The following RANBP2 variants were observed in gnomAD, a reference collection of about 807,000 sequenced individuals.
The protein encoded by RANBP2 is RAN binding protein 2.
A neutral mutation model predicts 303.6 loss-of-function variants in RANBP2; 57 were observed. The ratio of observed to expected loss-of-function variants is 0.19; its 90% confidence interval spans 0.15 to 0.23. RANBP2 has a LOEUF of 0.23. RANBP2 is among the 10% of genes least tolerant of loss of function. The probability of loss-of-function intolerance (pLI) is 1.00; values close to 1 mark genes in which losing one functional copy is unlikely to be tolerated. For missense variants in RANBP2, 3,138 were observed against 3,780.8 expected (o/e 0.83, Z 4.46); for synonymous variants, 1,167 against 1,301.5 (o/e 0.90, Z 2.23).
chr2:108,889,639 G>A, the RANBP2 span, among the ~76,000 whole-genome samples: 2 of 149,406 alleles, frequency 1.3e-5, no homozygotes, highest in Non-Finnish European at 3.0e-5. Context: ...GTTTTCATTT[G>A]TATGAAATAT....
chr2:109,014,321 T>C, the RANBP2 span, among the ~76,000 whole-genome samples: 2 of 152,126 alleles, frequency 1.3e-5, no homozygotes, highest in Non-Finnish European at 2.9e-5. Flanking sequence ...AAAACCCAAT[T>C]TGAAAACCCT....
the RANBP2 span, among the ~76,000 whole-genome samples, chr2:109,141,802 G>T: frequency 6.6e-6 from 1 of 152,082 alleles, no homozygotes; most frequent in South Asian, 2.1e-4. Flanking sequence ...GGAGGTCAGG[G>T]TGACGGTTGT....
the RANBP2 span, among the ~76,000 whole-genome samples, chr2:109,034,850 T>A: frequency 6.6e-6 from 1 of 152,174 alleles, no homozygotes; most frequent in African/African-American, 2.4e-5. Context: ...CCAGTCATGG[T>A]TAGATTATCC....
At chr2:108,727,129 G>A (rs1694783927) in intron 1 of RANBP2, among the ~76,000 whole-genome samples, 1 of 152,074 alleles carries the variant, frequency 6.6e-6, no homozygotes, top group Non-Finnish European at 1.5e-5. Context: ...ATCATGGCCC[G>A]TTCTCAATGA....
At chr2:109,167,771 C>G in the RANBP2 span, among the ~76,000 whole-genome samples, 1 of 152,086 alleles carries the variant, frequency 6.6e-6, no homozygotes, top group East Asian at 1.9e-4. Flanking sequence ...TGGGATTGCG[C>G]CATGTTAGCC....
the RANBP2 span, among the ~76,000 whole-genome samples, chr2:109,316,647 C>G: frequency 2.0e-5 from 3 of 152,306 alleles, no homozygotes; most frequent in African/African-American, 7.2e-5. Context: ...GCAGCCTTTC[C>G]ATCAGCATCA....
the RANBP2 span, among the ~76,000 whole-genome samples, chr2:109,484,495 C>A: frequency 6.6e-6 from 1 of 152,200 alleles, no homozygotes; most frequent in African/African-American, 2.4e-5. Flanking sequence ...CATCACTCAC[C>A]AGCCCAGGCC....
the RANBP2 span, among the ~76,000 whole-genome samples, chr2:109,683,221 G>C: frequency 6.6e-6 from 1 of 152,118 alleles, no homozygotes; most frequent in Non-Finnish European, 1.5e-5. Context: ...GGCCAGGCTG[G>C]TCTCGAACTC....
At chr2:109,566,146 A>G in the RANBP2 span, among the ~76,000 whole-genome samples, 1 of 151,932 alleles carries the variant, frequency 6.6e-6, no homozygotes, top group Non-Finnish European at 1.5e-5. Flanking sequence ...TTTGAGACAG[A>G]GTCTTACTCT....
At chr2:109,175,843 T>A in the RANBP2 span, among the ~76,000 whole-genome samples, 1 of 152,370 alleles carries the variant, frequency 6.6e-6, no homozygotes, top group African/African-American at 2.4e-5. Flanking sequence ...AATAGTTTTT[T>A]AAACATGTCT....
chr2:109,522,851 A>G, the RANBP2 span, among the ~76,000 whole-genome samples: 8,613 of 152,304 alleles, frequency 0.057, 834 homozygotes, highest in African/African-American at 0.2. Context: ...AGCACGTGGC[A>G]GCCAGACTTA....
chr2:109,239,569 A>G, the RANBP2 span, among the ~76,000 whole-genome samples: 2 of 152,242 alleles, frequency 1.3e-5, no homozygotes, highest in Non-Finnish European at 2.9e-5. Flanking sequence ...TAGTGGGCAG[A>G]CACCATTGTT....
chr2:108,727,367 C>G (rs1313733457), intron 1 of RANBP2, among the ~76,000 whole-genome samples: 2 of 152,120 alleles, frequency 1.3e-5, no homozygotes, highest in African/African-American at 4.8e-5. Context: ...TTGTGACACC[C>G]CAAACTGCAA....
the RANBP2 span, among the ~76,000 whole-genome samples, chr2:109,169,377 A>G: frequency 6.6e-6 from 1 of 152,050 alleles, no homozygotes; most frequent in Non-Finnish European, 1.5e-5. Context: ...CCCTTGCTCC[A>G]TACTATGATG....
chr2:108,912,678 C>A, the RANBP2 span: 3 of 1,588,786 alleles, frequency 1.9e-6, no homozygotes, highest in Non-Finnish European at 2.6e-6. Context: ...CCCTCCTCAC[C>A]TTTGTGGGCG....
At chr2:108,934,454 C>A in the RANBP2 span, among the ~76,000 whole-genome samples, 12 of 152,194 alleles carry the variant, frequency 7.9e-5, no homozygotes, top group Non-Finnish European at 1.8e-4. Flanking sequence ...GGGGCTCCAG[C>A]CTCGTGCACA....
chr2:109,551,308 C>T, the RANBP2 span, among the ~76,000 whole-genome samples: 1 of 152,104 alleles, frequency 6.6e-6, no homozygotes, highest in African/African-American at 2.4e-5. Flanking sequence ...ATTTAAATAA[C>T]AGTCCTTTAA....
At chr2:108,758,158 G>C (rs537276700) in intron 17 of RANBP2, among the ~76,000 whole-genome samples, 2 of 151,982 alleles carry the variant, frequency 1.3e-5, no homozygotes, top group Admixed American at 6.6e-5. Context: ...TTAGCCAGGC[G>C]TGCTGGCTGA....
chr2:109,684,330 C>A, the RANBP2 span, among the ~76,000 whole-genome samples: 2 of 149,934 alleles, frequency 1.3e-5, no homozygotes, highest in Non-Finnish European at 3.0e-5. Flanking sequence ...CAACCTCCGC[C>A]TCCCAGGTTT....
Sources: gnomAD v4.1 joint callset for allele counts (sites outside exome capture counted in the v4.1 genomes callset) on GRCh38, gnomAD v4.1.1 for gene constraint, MANE v1.5 for transcripts, NCBI Gene and HGNC (gene_info 2026-07-23, HGNC 2026-07-21) for gene names.